KCTD8: variants seen among roughly 807,000 people sequenced by gnomAD.
KCTD8 encodes the protein BTB/POZ domain-containing protein KCTD8.
A neutral mutation model predicts 31.5 loss-of-function variants in KCTD8; 27 were observed. The ratio of observed to expected loss-of-function variants is 0.86; its 90% CI spans 0.63 to 1.18. KCTD8 has a LOEUF of 1.18. Among genes scored for constraint, KCTD8 ranks in the 50% most tolerant of loss-of-function variants. The pLI is 0.00. For missense variants in KCTD8, 658 were observed against 647.7 expected, an observed-to-expected ratio of 1.02 and a Z score of -0.17; for synonymous variants, 290 against 280.0, an observed-to-expected ratio of 1.04 and a Z score of -0.36.
intron 1 of KCTD8, among the ~76,000 whole-genome samples, chr4:44,277,289 T>A (rs1203973540): frequency 6.6e-6 from 1 of 151,764 alleles, no homozygotes; most frequent in Non-Finnish European, 1.5e-5. Context: ...TATCTCAAGC[T>A]TTGATAATTA....
chr4:44,222,941 T>G (rs527711211), intron 1 of KCTD8, among the ~76,000 whole-genome samples: 15 of 152,294 alleles, frequency 9.8e-5, no homozygotes, highest in African/African-American at 3.4e-4. Context: ...CCCATCATGG[T>G]CCTTGTAAGT....
chr4:44,439,545 C>T (rs1229771047), intron 1 of KCTD8, among the ~76,000 whole-genome samples: 1 of 152,040 alleles, frequency 6.6e-6, no homozygotes, highest in Non-Finnish European at 1.5e-5. Context: ...ACTACTTTGA[C>T]ACAAGGTTAA....
In KCTD8 at chr4:44,401,091, GATCCTCCCA is replaced by G. The variant is rs556879108; in HGVS notation, c.961+46463_961+46471del. On this transcript the variant is annotated intron_variant, in intron 1 of 1. Coordinates refer to ENST00000360029, the MANE Select transcript of KCTD8 (RefSeq NM_198353.3). Reference sequence around the variant, plus strand: ...TGGACTCAAACTCCTGACCTCAAGTGATCCTCCCAACTCAGCCTCCCAAAGTGCCAGGAT... The same window carrying G: ...TGGACTCAAACTCCTGACCTCAAGTGACTCAGCCTCCCAAAGTGCCAGGAT... Among the ~76,000 whole-genome samples, 13 of 137,230 alleles carry G rather than the reference GATCCTCCCA, an allele frequency of 9.5e-5. No homozygotes were observed. In the East Asian group the frequency reaches 3.0e-3, roughly 32 times the overall value. The allele number at this position is 137,230 out of a possible 152,430, so 90.0% of individuals were successfully genotyped here.
chr4:44,256,499 T>A (rs1301928529), intron 1 of KCTD8, among the ~76,000 whole-genome samples: 1 of 151,976 alleles, frequency 6.6e-6, no homozygotes, highest in Non-Finnish European at 1.5e-5. Flanking sequence ...TTTAAATTAT[T>A]CCACCAGTTG....
At chr4:44,412,431 T>C (rs2109464759) in intron 1 of KCTD8, among the ~76,000 whole-genome samples, 1 of 152,334 alleles carries the variant, frequency 6.6e-6, no homozygotes, top group South Asian at 2.1e-4. Flanking sequence ...ACTACTATTC[T>C]GGTGAAGAAA....
chr4:44,183,065 G>T (rs1035831881), intron 1 of KCTD8, among the ~76,000 whole-genome samples: 33 of 152,144 alleles, frequency 2.2e-4, no homozygotes, highest in African/African-American at 7.0e-4. Flanking sequence ...TTGGATAATT[G>T]TAATGTTTCC....
At chr4:44,213,527 T>C (rs1331621292) in intron 1 of KCTD8, among the ~76,000 whole-genome samples, 1 of 152,230 alleles carries the variant, frequency 6.6e-6, no homozygotes, top group East Asian at 1.9e-4. Context: ...TCCTATGAAC[T>C]AAACATGTAG....
At chr4:44,363,583 C>G (rs531390177) in intron 1 of KCTD8, among the ~76,000 whole-genome samples, 1 of 152,260 alleles carries the variant, frequency 6.6e-6, no homozygotes, top group Non-Finnish European at 1.5e-5. Context: ...TAATTTTGCA[C>G]CAACTTGAGA....
At chr4:44,301,861 T>C (rs2109392932) in intron 1 of KCTD8, among the ~76,000 whole-genome samples, 1 of 152,366 alleles carries the variant, frequency 6.6e-6, no homozygotes, top group Admixed American at 6.5e-5. Context: ...TTCTAACATT[T>C]AAGTCTTTAA....
At position 44,433,027 on chromosome 4, in the gene KCTD8, A is replaced by AGTT. The variant is rs1721541980; in HGVS notation, c.961+14533_961+14535dup. 2.0e-5 allele frequency among the ~76,000 whole-genome samples: 3 copies of AGTT among 151,620 alleles called. No individual in the cohort carries two copies. In the Admixed American group the frequency reaches 2.0e-4, roughly 10 times the overall value. On this transcript the variant is annotated intron_variant, in intron 1 of 1. Coordinates refer to ENST00000360029, the MANE Select transcript of KCTD8 (RefSeq NM_198353.3). ...TATCACCATTCAAGAACCTCAGCAC[A>AGTT]GTTATCTTTCTCTCCAAATTCACTG...
At chr4:44,220,788 A>G (rs1339588405) in intron 1 of KCTD8, among the ~76,000 whole-genome samples, 4 of 152,162 alleles carry the variant, frequency 2.6e-5, no homozygotes, top group Non-Finnish European at 4.4e-5. Context: ...AAAAGAGAAT[A>G]TTTAGGATGA....
chr4:44,194,300 A>G (rs1014582196), intron 1 of KCTD8, among the ~76,000 whole-genome samples: 2 of 152,134 alleles, frequency 1.3e-5, no homozygotes, highest in African/African-American at 2.4e-5. Flanking sequence ...TATTTCAATA[A>G]CCCCATTAAC....
At chr4:44,287,294 A>G (rs755647008) in intron 1 of KCTD8, among the ~76,000 whole-genome samples, 2 of 152,172 alleles carry the variant, frequency 1.3e-5, no homozygotes, top group Non-Finnish European at 2.9e-5. Context: ...TTGATAACTT[A>G]GGAATTATTT....
At chr4:44,279,745 C>G (rs1716848109) in intron 1 of KCTD8, among the ~76,000 whole-genome samples, 1 of 151,958 alleles carries the variant, frequency 6.6e-6, no homozygotes, top group Non-Finnish European at 1.5e-5. Context: ...ATGGTGCCAG[C>G]CAGATTTTGA....
rs1577809346 is a variant in KCTD8, at chr4:44,175,265, A to G, written c.962-15T>C. On this transcript the variant is annotated splice_polypyrimidine_tract_variant and intron_variant, in intron 1 of 1. Coordinates refer to ENST00000360029, the MANE Select transcript of KCTD8 (RefSeq NM_198353.3). ...CTGAGGTGGTCCTAAAAAGGAGGAA[A>G]AAAAAAGAAGAAGAGTAGAACAGTT... is the stretch of plus-strand genomic sequence containing the variant. 4 of 1,452,496 alleles carry G rather than the reference A, an allele frequency of 2.8e-6. No homozygotes were observed. Among genetic ancestry groups the G allele is most frequent in the African/African-American group, 2.9e-5 (2 of 70,116 alleles). The allele number at this position is 1,452,496 out of a possible 1,614,324, so 90.0% of individuals were successfully genotyped here.
At chr4:44,250,960 G>A (rs1050292830) in intron 1 of KCTD8, among the ~76,000 whole-genome samples, 3 of 151,466 alleles carry the variant, frequency 2.0e-5, no homozygotes, top group African/African-American at 2.4e-5. Context: ...TCATGGCTGC[G>A]TTTTTAAATA....
chr4:44,386,755 C>T (rs941747592), intron 1 of KCTD8, among the ~76,000 whole-genome samples: 2 of 151,438 alleles, frequency 1.3e-5, no homozygotes, highest in Admixed American at 1.3e-4. Context: ...AAGTACATAC[C>T]CCAAAAAAGG....
intron 1 of KCTD8, among the ~76,000 whole-genome samples, chr4:44,413,782 T>C (rs1477517700): frequency 6.6e-6 from 1 of 151,868 alleles, no homozygotes; most frequent in African/African-American, 2.4e-5. Context: ...TCTGCAGAGG[T>C]ACTTAAATTC....
chr4:44,378,160 C>G (rs1719963869), intron 1 of KCTD8, among the ~76,000 whole-genome samples: 1 of 148,946 alleles, frequency 6.7e-6, no homozygotes, highest in African/African-American at 2.5e-5. Flanking sequence ...ATTATAAGCC[C>G]TCCCATACTT....
Sources: gnomAD v4.1 joint callset for allele counts (sites outside exome capture counted in the v4.1 genomes callset) on GRCh38, gnomAD v4.1.1 for gene constraint, MANE v1.5 for transcripts, NCBI Gene and HGNC (gene_info 2026-07-23, HGNC 2026-07-21) for gene names.